The following SLC14A2 variants were observed in gnomAD, a reference collection of about 807,000 sequenced individuals.
SLC14A2 encodes urea transporter 2.
Under a neutral mutation model 104.6 loss-of-function variants are expected in SLC14A2, and 91 were observed. That is an observed-to-expected ratio of 0.87 (90% CI 0.73 to 1.04). The LOEUF (loss-of-function observed/expected upper bound fraction) is 1.04. SLC14A2 is among the 50% of genes least tolerant of loss of function. The probability of loss-of-function intolerance (pLI) is 0.00; values close to 1 mark genes in which losing one functional copy is unlikely to be tolerated. For synonymous variants in SLC14A2, 476 were observed against 466.4 expected (o/e 1.02, Z -0.27); for missense variants, 1,189 against 1,156.0 (o/e 1.03, Z -0.41).
At chr18:45,222,925 C>T (rs1419166493) in intron 1 of SLC14A2, among the ~76,000 whole-genome samples, 2 of 152,176 alleles carry the variant, frequency 1.3e-5, no homozygotes, top group African/African-American at 4.8e-5. Flanking sequence ...CGCAGAAAAC[C>T]CTTTACTTCC....
intron 12 of SLC14A2, among the ~76,000 whole-genome samples, chr18:45,666,602 T>A (rs1256958118): frequency 1.4e-5 from 2 of 146,044 alleles, no homozygotes. Context: ...GTATTAATGT[T>A]AAAAAAAAAA....
At chr18:45,293,310 A>G (rs184155891) in intron 1 of SLC14A2, among the ~76,000 whole-genome samples, 18 of 152,304 alleles carry the variant, frequency 1.2e-4, no homozygotes, top group African/African-American at 3.9e-4. Context: ...ACACTTATTG[A>G]GTATCCATAA....
At chr18:45,679,483 G>A (rs11664344) in intron 19 of SLC14A2, among the ~76,000 whole-genome samples, 17,757 of 152,162 alleles carry the variant, frequency 0.12, 1,236 homozygotes, top group East Asian at 0.31. Flanking sequence ...TTAAAGTCAC[G>A]GGCCACAGTC....
At chr18:45,631,221 G>C (rs894508483) in intron 4 of SLC14A2, among the ~76,000 whole-genome samples, 7 of 152,196 alleles carry the variant, frequency 4.6e-5, no homozygotes, top group African/African-American at 1.7e-4. Context: ...ACATTGCTGG[G>C]TTACTGGGCC....
At chr18:45,500,551 T>C (rs1000157298) in intron 2 of SLC14A2, among the ~76,000 whole-genome samples, 10 of 125,306 alleles carry the variant, frequency 8.0e-5, no homozygotes, top group Admixed American at 2.2e-4. Context: ...CACTCCAGCC[T>C]GGGCGACAGA....
chr18:45,544,160 A>G (rs1451630024), intron 2 of SLC14A2, among the ~76,000 whole-genome samples: 1 of 152,254 alleles, frequency 6.6e-6, no homozygotes. Context: ...AATCTTAGCA[A>G]TGAGTATGAT....
intron 2 of SLC14A2, among the ~76,000 whole-genome samples, chr18:45,548,478 T>G (rs1338618333): frequency 2.6e-5 from 4 of 152,148 alleles, no homozygotes; most frequent in African/African-American, 7.2e-5. Flanking sequence ...CTGAAGCAGG[T>G]GGATTACTTG....
At chr18:45,561,889 G>A (rs1344162234) in intron 2 of SLC14A2, among the ~76,000 whole-genome samples, 10 of 149,846 alleles carry the variant, frequency 6.7e-5, no homozygotes, top group South Asian at 6.4e-4. Flanking sequence ...GATCTATATA[G>A]ATTGATGATT....
At chr18:45,254,812 G>A (rs535594975) in intron 1 of SLC14A2, among the ~76,000 whole-genome samples, 29 of 152,090 alleles carry the variant, frequency 1.9e-4, no homozygotes, top group South Asian at 2.1e-4. Flanking sequence ...TTCTTCCTGC[G>A]CCCCATAGCT....
chr18:45,250,647 AC>A (rs2084411655), intron 1 of SLC14A2, among the ~76,000 whole-genome samples: 1 of 151,816 alleles, frequency 6.6e-6, no homozygotes, highest in South Asian at 2.1e-4. Context: ...TCCATGGGAA[AC>A]CCACTGAATG....
At chr18:45,460,744 C>T (rs537888435) in intron 1 of SLC14A2, among the ~76,000 whole-genome samples, 7 of 151,992 alleles carry the variant, frequency 4.6e-5, no homozygotes, top group East Asian at 1.9e-4. Flanking sequence ...AGTTTTAATG[C>T]GATACATGTA....
At chr18:45,600,370 T>G (rs1292002812) in intron 2 of SLC14A2, among the ~76,000 whole-genome samples, 2 of 151,652 alleles carry the variant, frequency 1.3e-5, no homozygotes, top group Non-Finnish European at 2.9e-5. Flanking sequence ...GGCCACCAGG[T>G]CCCCCCAACA....
intron 2 of SLC14A2, among the ~76,000 whole-genome samples, chr18:45,575,101 C>T (rs932847258): frequency 6.6e-6 from 1 of 152,184 alleles, no homozygotes; most frequent in African/African-American, 2.4e-5. Context: ...GCAGTGAACT[C>T]CACGTGAGCA....
chr18:45,181,917 C>A, the SLC14A2 span, among the ~76,000 whole-genome samples: 1 of 152,044 alleles, frequency 6.6e-6, no homozygotes, highest in African/African-American at 2.4e-5. Flanking sequence ...TGTGCCATTT[C>A]TCTTTAAAAA....
chr18:45,283,227 C>T (rs995137409), intron 1 of SLC14A2, among the ~76,000 whole-genome samples: 3 of 150,234 alleles, frequency 2.0e-5, no homozygotes, highest in Non-Finnish European at 2.9e-5. Flanking sequence ...TTTCTGAACA[C>T]GTCGAGTCTC....
intron 1 of SLC14A2, among the ~76,000 whole-genome samples, chr18:45,418,721 A>C (rs1335277372): frequency 1.3e-5 from 2 of 152,216 alleles, no homozygotes; most frequent in Non-Finnish European, 2.9e-5. Context: ...AGTGATAGAA[A>C]ATTTAAATGA....
chr18:45,504,212 AG>A (rs2043245927), intron 2 of SLC14A2, among the ~76,000 whole-genome samples: 4 of 152,294 alleles, frequency 2.6e-5, no homozygotes, highest in African/African-American at 9.6e-5. Context: ...CAAACTTTCC[AG>A]CAAACAATAC....
chr18:45,255,319 T>TAGAG (rs145980877), intron 1 of SLC14A2, among the ~76,000 whole-genome samples: 216 of 151,460 alleles, frequency 1.4e-3, no homozygotes, highest in Middle Eastern at 3.4e-3. Context: ...TCCTTTTAAA[T>TAGAG]AGAGAGAGAG....
chr18:45,258,801 C>T (rs1359697860), intron 1 of SLC14A2, among the ~76,000 whole-genome samples: 1 of 102,966 alleles, frequency 9.7e-6, no homozygotes, highest in Admixed American at 8.6e-5. Context: ...TGGAAGTTGT[C>T]TCTCCCCTTT....
Sources: gnomAD v4.1 joint callset for allele counts (sites outside exome capture counted in the v4.1 genomes callset) on GRCh38, gnomAD v4.1.1 for gene constraint, MANE v1.5 for transcripts, NCBI Gene and HGNC (gene_info 2026-07-23, HGNC 2026-07-21) for gene names.